ZYG11A: variants seen among roughly 807,000 people sequenced by gnomAD.
ZYG11A encodes zyg-11 family member A, cell cycle regulator, also known as protein zyg-11 homolog A.
ZYG11A carries 62 observed loss-of-function variants against 77.2 expected under a neutral mutation model. The observed-to-expected ratio is 0.80, with a 90% CI of 0.65 to 0.99. The LOEUF is 0.99. Among genes scored for constraint, ZYG11A ranks in the 50% least tolerant of loss-of-function variants. The probability of loss-of-function intolerance (pLI) is 0.00; values close to 1 mark genes in which losing one functional copy is unlikely to be tolerated. For missense variants in ZYG11A, 828 were observed against 896.8 expected, an observed-to-expected ratio of 0.92 and a Z score of 0.98; for synonymous variants, 315 against 324.6, an observed-to-expected ratio of 0.97 and a Z score of 0.32.
chr1:52,883,451 T>G (rs1646394824), intron 11 of ZYG11A, among the ~76,000 whole-genome samples: 1 of 145,476 alleles, frequency 6.9e-6, no homozygotes, highest in African/African-American at 2.5e-5. Context: ...TTTTTTTTTT[T>G]GAGACTCGGT....
intron 3 of ZYG11A, among the ~76,000 whole-genome samples, chr1:52,859,421 C>CGAG (rs1645881251): frequency 1.3e-5 from 2 of 151,268 alleles, no homozygotes; most frequent in African/African-American, 4.9e-5. Flanking sequence ...CTGCAATCTC[C>CGAG]GCCTCCCGGG....
chr1:52,872,882 CAAAAAAAAAA>C, intron 8 of ZYG11A, among the ~76,000 whole-genome samples: 1 of 112,154 alleles, frequency 8.9e-6, no homozygotes, highest in Non-Finnish European at 1.7e-5. Flanking sequence ...GACTCTGTCT[CAAAAAAAAAA>C]AAAAAAAGAA....
At chr1:52,863,335 CT>C (rs1392415663) in intron 4 of ZYG11A, among the ~76,000 whole-genome samples, 5 of 152,090 alleles carry the variant, frequency 3.3e-5, no homozygotes, top group Non-Finnish European at 7.4e-5. Context: ...TTTTCAAATT[CT>C]TCTCCTCTGT....
chr1:52,868,612 T>C (rs768790056), intron 8 of ZYG11A, among the ~76,000 whole-genome samples: 22 of 151,834 alleles, frequency 1.4e-4, no homozygotes, highest in Non-Finnish European at 2.6e-4. Context: ...AAACCCCGTC[T>C]CTACTAAAAA....
intron 2 of ZYG11A, 70 bp downstream of exon 2, chr1:52,854,700 A>G (rs939111962): frequency 5.1e-5 from 68 of 1,328,416 alleles, no homozygotes; most frequent in Non-Finnish European, 6.5e-5. Context: ...TTTACACACA[A>G]TTTCTATTGT....
chr1:52,870,082 A>G (rs190755501), intron 8 of ZYG11A, among the ~76,000 whole-genome samples: 2,030 of 149,930 alleles, frequency 0.014, 38 homozygotes, highest in African/African-American at 0.048. Context: ...GCGGCCGGGC[A>G]GAGGCGCTCC....
Position 52,894,792 on chromosome 1 carries a change from A to T in ZYG11A, c.*1835A>T, listed in dbSNP as rs1315476229. ...CTGTATTTTTTCACACTCTTGCATG[A>T]TTCCAAAAGGATATCTTCCTGACCT... On this transcript the variant is annotated 3_prime_UTR_variant, in exon 14 of 14. Transcript: ENST00000371528. The T allele has an allele frequency of 6.6e-6, 1 of 152,234 alleles. No homozygotes were observed. 9.4% of individuals were successfully genotyped at this position (152,234 alleles called of 1,614,324 possible). A position where few individuals can be genotyped will look rare whatever the true frequency, so the allele number is the denominator to read the frequency against.
At chr1:52,861,733 T>C (rs916384329) in intron 4 of ZYG11A, among the ~76,000 whole-genome samples, 3 of 152,028 alleles carry the variant, frequency 2.0e-5, no homozygotes, top group Admixed American at 1.3e-4. Flanking sequence ...AGATTAACTT[T>C]ATTTACAGCT....
intron 1 of ZYG11A, among the ~76,000 whole-genome samples, chr1:52,851,901 C>T (rs1645720057): frequency 6.7e-6 from 1 of 150,304 alleles, no homozygotes; most frequent in Non-Finnish European, 1.5e-5. Context: ...GCACCCGCCA[C>T]CATGCCTTCC....
chr1:52,875,381 C>T (rs537086532), intron 8 of ZYG11A, among the ~76,000 whole-genome samples: 3 of 152,184 alleles, frequency 2.0e-5, no homozygotes, highest in South Asian at 2.1e-4. Context: ...TTAAAAAGAT[C>T]GACTACATTA....
At chr1:52,874,349 ATC>A (rs1646224861) in intron 8 of ZYG11A, among the ~76,000 whole-genome samples, 3 of 151,930 alleles carry the variant, frequency 2.0e-5, no homozygotes, top group South Asian at 2.1e-4. Flanking sequence ...GGCTCAAGTG[ATC>A]TTCCTGCCTC....
intron 3 of ZYG11A, among the ~76,000 whole-genome samples, chr1:52,858,860 C>T (rs1571846411): frequency 6.6e-6 from 1 of 152,194 alleles, no homozygotes; most frequent in East Asian, 1.9e-4. Context: ...GGTGATCCAC[C>T]TGCCTTGGGC....
At chr1:52,886,314 A>G (rs1445645388) in intron 12 of ZYG11A, among the ~76,000 whole-genome samples, 1 of 152,016 alleles carries the variant, frequency 6.6e-6, no homozygotes, top group Non-Finnish European at 1.5e-5. Flanking sequence ...TTCAAATCCT[A>G]TTTCTCTGAT....
intron 1 of ZYG11A, among the ~76,000 whole-genome samples, chr1:52,843,847 C>T (rs1172623566): frequency 3.3e-5 from 5 of 151,930 alleles, no homozygotes; most frequent in Admixed American, 6.6e-5. Context: ...CCACCATGCC[C>T]GACTCATTTT....
At chr1:52,852,965 A>G (rs1645741743) in intron 1 of ZYG11A, among the ~76,000 whole-genome samples, 1 of 152,230 alleles carries the variant, frequency 6.6e-6, no homozygotes, top group Non-Finnish European at 1.5e-5. Flanking sequence ...CACAGTTGAA[A>G]GCACTCTGGG....
intron 4 of ZYG11A, among the ~76,000 whole-genome samples, chr1:52,863,296 T>C (rs898448774): frequency 1.3e-5 from 2 of 152,222 alleles, no homozygotes; most frequent in African/African-American, 2.4e-5. Flanking sequence ...CAGTGTAGCT[T>C]CAAGTTACCT....
Position 52,886,943 on chromosome 1 carries a change from T to C in ZYG11A, c.2007-13T>C. 1 of 1,474,970 alleles carries C rather than the reference T, an allele frequency of 6.8e-7. No homozygotes were observed. Among genetic ancestry groups the C allele is most frequent in the Non-Finnish European group, 9.3e-7 (1 of 1,078,576 alleles). 91.4% of individuals were successfully genotyped at this position (1,474,970 alleles called of 1,614,324 possible). The stretch of plus-strand genomic sequence containing the variant: ...GTTCTGGATTAACATCTTTGTACTT[T>C]TTTTTGTTTTAGATCTTTCAAGACA... On this transcript the variant is annotated splice_polypyrimidine_tract_variant and intron_variant, in intron 12 of 13. Transcript: ENST00000371528.
chr1:52,847,835 AATTT>A (rs5774129), intron 1 of ZYG11A, among the ~76,000 whole-genome samples: 3,732 of 119,264 alleles, frequency 0.031, 82 homozygotes, highest in South Asian at 0.078. Flanking sequence ...ACGCCTTGCT[AATTT>A]ATTTATTTAT....
chr1:52,868,608 C>T (rs963561435), intron 8 of ZYG11A, among the ~76,000 whole-genome samples: 3 of 151,794 alleles, frequency 2.0e-5, no homozygotes, highest in African/African-American at 4.8e-5. Flanking sequence ...GGTGAAACCC[C>T]GTCTCTACTA....
Sources: gnomAD v4.1 joint callset for allele counts (sites outside exome capture counted in the v4.1 genomes callset) on GRCh38, gnomAD v4.1.1 for gene constraint, MANE v1.5 for transcripts, NCBI Gene and HGNC (gene_info 2026-07-23, HGNC 2026-07-21) for gene names.